The following MAPT variants were observed in gnomAD, a reference collection of about 807,000 sequenced individuals.
The protein encoded by MAPT is microtubule associated protein tau, also known as microtubule-associated protein tau.
In MAPT, 34 loss-of-function variants were observed where a neutral mutation model predicts 67.9. That is an observed-to-expected ratio of 0.50 (90% CI 0.38 to 0.67). The LOEUF is 0.67. Among genes scored for constraint, MAPT ranks in the 30% least tolerant of loss-of-function variants. The probability of loss-of-function intolerance (pLI) is 0.00; values close to 1 mark genes in which losing one functional copy is unlikely to be tolerated. For missense variants in MAPT, 881 were observed against 1,115.2 expected, an observed-to-expected ratio of 0.79 and a Z score of 2.99; for synonymous variants, 456 against 464.5, an observed-to-expected ratio of 0.98 and a Z score of 0.23.
chr17:45,945,231 G>A (rs1298951463), intron 1 of MAPT, among the ~76,000 whole-genome samples: 16 of 152,172 alleles, frequency 1.1e-4, no homozygotes. Flanking sequence ...GTAAAACGGG[G>A]ATAATAAGAT....
chr17:45,910,553 A>G (rs2064699303), intron 1 of MAPT, among the ~76,000 whole-genome samples: 1 of 151,928 alleles, frequency 6.6e-6, no homozygotes, highest in Admixed American at 6.6e-5. Flanking sequence ...TCTCCCCCAA[A>G]GACAAAAAAA....
chr17:45,999,547 C>G (rs2074813160), intron 9 of MAPT: 2 of 1,613,298 alleles, frequency 1.2e-6, no homozygotes. Context: ...TGGGGCTGAG[C>G]AGGGAAGACA....
chr17:45,974,467 C>A, intron 3 of MAPT: 1 of 1,603,152 alleles, frequency 6.2e-7, no homozygotes, highest in Non-Finnish European at 8.5e-7. Context: ...CAGAAGGAAC[C>A]ACAGGTGAGG....
intron 12 of MAPT, among the ~76,000 whole-genome samples, chr17:46,021,542 G>A (rs1385301194): frequency 6.6e-6 from 1 of 152,194 alleles, no homozygotes; most frequent in South Asian, 2.1e-4. Flanking sequence ...ACAGTCTCTG[G>A]AAGCTTCTCT....
chr17:46,018,480 C>T (rs1225100396), intron 11 of MAPT, 138 bp from the exon 12 acceptor site: 1 of 779,504 alleles, frequency 1.3e-6, no homozygotes. Context: ...AGAGCAGTGG[C>T]ACCCAATCTA....
intron 1 of MAPT, among the ~76,000 whole-genome samples, chr17:45,900,736 C>T (rs376582173): frequency 9.8e-5 from 15 of 152,300 alleles, no homozygotes; most frequent in South Asian, 2.1e-4. Flanking sequence ...AGGCTCTGAT[C>T]GGGCCTCCTG....
chr17:45,903,779 A>G (rs1462566712), intron 1 of MAPT, among the ~76,000 whole-genome samples: 2 of 72,072 alleles, frequency 2.8e-5, no homozygotes, highest in Admixed American at 2.5e-4. Context: ...TATAATATAT[A>G]TTAAAATATA....
chr17:45,903,910 ATT>A (rs1200821016), intron 1 of MAPT, among the ~76,000 whole-genome samples: 2 of 44,244 alleles, frequency 4.5e-5, no homozygotes, highest in Admixed American at 4.5e-4. Flanking sequence ...ATATTTATAT[ATT>A]ATATATTTAT....
At chr17:45,907,483 G>A (rs906345921) in intron 1 of MAPT, among the ~76,000 whole-genome samples, 2 of 152,140 alleles carry the variant, frequency 1.3e-5, no homozygotes, top group Admixed American at 1.3e-4. Flanking sequence ...TGTGTCTTAT[G>A]TGACTTTCCT....
intron 1 of MAPT, among the ~76,000 whole-genome samples, chr17:45,940,939 T>A (rs2067794842): frequency 1.3e-5 from 2 of 152,196 alleles, no homozygotes; most frequent in African/African-American, 2.4e-5. Context: ...GGAAGCCATC[T>A]TGGTGCTTTA....
chr17:45,917,604 G>A (rs1031782040), intron 1 of MAPT, among the ~76,000 whole-genome samples: 2 of 152,092 alleles, frequency 1.3e-5, no homozygotes, highest in Admixed American at 6.5e-5. Context: ...TAACAGAAGC[G>A]ACATTTGTTG....
At chr17:45,991,435 C>G (rs2074043605) in intron 7 of MAPT, 25 bp from the exon 8 acceptor site, 1 of 1,613,984 alleles carries the variant, frequency 6.2e-7, no homozygotes, top group Admixed American at 1.7e-5. Context: ...TGGTGAAAAA[C>G]CCCTCTATCA....
chr17:46,023,692 T>A (rs1400595179), intron 12 of MAPT, among the ~76,000 whole-genome samples: 2 of 151,982 alleles, frequency 1.3e-5, no homozygotes, highest in Non-Finnish European at 2.9e-5. Flanking sequence ...ATACAAAAAA[T>A]TAGCCAGGTG....
At chr17:45,926,281 C>T (rs1597975345) in intron 1 of MAPT, among the ~76,000 whole-genome samples, 1 of 151,360 alleles carries the variant, frequency 6.6e-6, no homozygotes, top group Non-Finnish European at 1.5e-5. Flanking sequence ...ACTAAGCTGT[C>T]GGTCAAATTT....
chr17:45,988,359 C>T (rs2073769034), intron 6 of MAPT, among the ~76,000 whole-genome samples: 1 of 152,234 alleles, frequency 6.6e-6, no homozygotes, highest in Admixed American at 6.5e-5. Context: ...GGCTTAGCCT[C>T]CCCACTTTGT....
rs567422709 is a variant in MAPT, at chr17:45,989,999, C to T, written c.1529C>T (p.Pro510Leu). The change falls in exon 7 of 13, where the codon CCA (proline) becomes CTA (leucine). Residue 510 changes from proline (P) to leucine (L), a missense_variant. Coordinates refer to ENST00000262410, the MANE Select transcript of MAPT (RefSeq NM_001377265.1). The stretch of plus-strand genomic sequence containing the variant: ...TCCAGCCCTGCTGTGTGCCCAGAGC[C>T]ACCTTCCTCTCCTAAATACGTCTCT... Reference protein sequence around the residue: ...QPSSPAVCPEPPSSPKYVSSV... With the variant: ...QPSSPAVCPELPSSPKYVSSV... 6.2e-7 allele frequency: 1 copy of T among 1,614,176 alleles called. No homozygotes were observed. The highest frequency in any genetic ancestry group is 8.5e-7 in the Non-Finnish European group (1 of 1,180,022).
In MAPT at chr17:45,995,596, C is replaced by T. The variant is rs1405553883; in HGVS notation, c.1733-803C>T. On this transcript the variant is annotated intron_variant, in intron 8 of 12. Coordinates refer to ENST00000262410, the MANE Select transcript of MAPT (RefSeq NM_001377265.1). The surrounding 1 kb of genome is among the most constrained non-coding windows in gnomAD (Gnocchi z 4.3). ...AAAGGACACCCAGAGGAGGGAGGGA[C>T]AGCATCTGCATGGAGAGGAGAAGAG... 6.6e-6 allele frequency among the ~76,000 whole-genome samples: 1 copy of T among 152,152 alleles called. No homozygotes were observed. Among genetic ancestry groups the T allele is most frequent in the African/African-American group, 2.4e-5 (1 of 41,428 alleles).
chr17:45,924,994 A>G (rs185141088), intron 1 of MAPT, among the ~76,000 whole-genome samples: 1 of 152,288 alleles, frequency 6.6e-6, no homozygotes, highest in East Asian at 1.9e-4. Flanking sequence ...CAATGGTCAG[A>G]CTATTCTAAG....
intron 7 of MAPT, chr17:45,990,394 A>G (rs2073965873): frequency 2.2e-6 from 1 of 457,324 alleles, no homozygotes; most frequent in East Asian, 4.9e-5. Context: ...AGGGTGGATC[A>G]CCTGAGATCA....
Sources: allele counts gnomAD v4.1 joint callset (sites outside exome capture counted in the v4.1 genomes callset), GRCh38; gene constraint gnomAD v4.1.1; non-coding constraint Gnocchi (gnomAD v3.1); transcripts MANE v1.5; gene names NCBI Gene and HGNC (gene_info 2026-07-23, HGNC 2026-07-21).